The following JAG1 variants were observed in gnomAD, a reference collection of about 807,000 sequenced individuals.
JAG1 encodes protein jagged-1.
JAG1 carries 23 observed loss-of-function variants against 148.7 expected under a neutral mutation model. The ratio of observed to expected loss-of-function variants is 0.15; its 90% CI spans 0.11 to 0.22. The LOEUF (loss-of-function observed/expected upper bound fraction) is 0.22, where lower values mean the gene tolerates loss of function less well. Ranked by LOEUF, JAG1 falls within the 10% of genes least tolerant of loss-of-function variation. JAG1 has a pLI of 1.00. For missense variants in JAG1, 1,054 were observed against 1,611.2 expected, an observed-to-expected ratio of 0.65 and a Z score of 5.92; for synonymous variants, 572 against 598.3, an observed-to-expected ratio of 0.96 and a Z score of 0.64.
At chr20:10,652,276 A>T in intron 6 of JAG1, 26 bp from the exon 7 acceptor site, 4 of 1,613,568 alleles carry the variant, frequency 2.5e-6, no homozygotes, top group Non-Finnish European at 3.4e-6. Flanking sequence ...TGGAGTCACT[A>T]AGAGACGCCT....
At chr20:10,656,335 G>C in intron 5 of JAG1, 63 bp downstream of exon 5, 1 of 1,332,106 alleles carries the variant, frequency 7.5e-7, no homozygotes, top group Non-Finnish European at 1.1e-6. Context: ...TCACAATAAA[G>C]TCAGTTCCTC....
At chr20:10,647,921 A>G (rs1325822063) in intron 13 of JAG1, 39 bp downstream of exon 13, 7 of 1,611,808 alleles carry the variant, frequency 4.3e-6, no homozygotes, top group Non-Finnish European at 5.9e-6. Flanking sequence ...CAAAAGGAGC[A>G]AGTCTGGAGA....
At chr20:10,649,794 T>G in intron 9 of JAG1, 159 bp from the exon 10 acceptor site, 1 of 669,262 alleles carries the variant, frequency 1.5e-6, no homozygotes, top group Non-Finnish European at 2.7e-6. Flanking sequence ...TTTAAGCATC[T>G]GATCCCTCTC....
At chr20:10,660,445 C>CT (rs1484788706) in intron 3 of JAG1, among the ~76,000 whole-genome samples, 1 of 152,196 alleles carries the variant, frequency 6.6e-6, no homozygotes, top group Non-Finnish European at 1.5e-5. Flanking sequence ...TTACCACGCG[C>CT]TTACAAGATC....
intron 11 of JAG1, 131 bp from the exon 12 acceptor site, chr20:10,648,853 T>A: frequency 9.9e-7 from 1 of 1,009,808 alleles, no homozygotes; most frequent in Non-Finnish European, 1.5e-6. Context: ...GCTAAACCTC[T>A]GAAAGTGGTT....
At chr20:10,643,908 T>C (rs1251669237) in intron 19 of JAG1, 45 bp from the exon 20 acceptor site, 2 of 1,438,186 alleles carry the variant, frequency 1.4e-6, no homozygotes, top group Admixed American at 3.4e-5. Flanking sequence ...CCCAGTCCAT[T>C]ACTCTGGCTG....
intron 4 of JAG1, among the ~76,000 whole-genome samples, 169 bp from the exon 5 acceptor site, chr20:10,656,627 A>G (rs1321669915): frequency 6.6e-6 from 1 of 152,220 alleles, no homozygotes; most frequent in Non-Finnish European, 1.5e-5. Flanking sequence ...TAACAAAACC[A>G]GCTTTAAACT....
intron 5 of JAG1, among the ~76,000 whole-genome samples, chr20:10,655,943 G>A (rs2067375919): frequency 6.6e-6 from 1 of 152,076 alleles, no homozygotes; most frequent in Non-Finnish European, 1.5e-5. Flanking sequence ...CCCAGCTCCC[G>A]CCTGCAAAGG....
intron 2 of JAG1, among the ~76,000 whole-genome samples, chr20:10,670,984 T>A (rs1568806274): frequency 1.3e-5 from 2 of 152,232 alleles, no homozygotes; most frequent in African/African-American, 4.8e-5. Flanking sequence ...CAAGCCTCCT[T>A]GTTTTCATGT....
At chr20:10,656,258 G>A (rs1275119761) in intron 5 of JAG1, 140 bp downstream of exon 5, 7 of 686,314 alleles carry the variant, frequency 1.0e-5, no homozygotes, top group Non-Finnish European at 1.0e-5. Context: ...AATAAGCTTC[G>A]GATGTGTCTA....
At position 10,639,451 on chromosome 20, in the gene JAG1, C is replaced by T. The variant is rs1384322056; in HGVS notation, c.*47G>A. 6.6e-7 allele frequency: 1 copy of T among 1,509,250 alleles called. No homozygotes were observed. The highest frequency in any genetic ancestry group is 1.4e-5 in the African/African-American group (1 of 72,840). The allele number at this position is 1,509,250 out of a possible 1,614,324, so 93.5% of individuals were successfully genotyped here. ...GAGTATGACACGACAGTTTAAAGAA[C>T]TACAAGCCCTCAGACTCTACCTAGC... On this transcript the variant is annotated 3_prime_UTR_variant, in exon 26 of 26. Transcript: ENST00000254958.
rs2067434750 is a variant in JAG1, at chr20:10,663,989, G to A, written c.413C>T (p.Ala138Val). Residue 138 changes from alanine (A) to valine (V), a missense_variant, in exon 3 of 26, where the codon GCG becomes GTG. By Grantham distance (64) the Ala-to-Val change is moderately conservative. This residue lies in a region of JAG1 where 151 missense variants were observed against 211.1 expected (regional missense o/e 0.72). Coordinates refer to ENST00000254958, the MANE Select transcript of JAG1 (RefSeq NM_000214.3). Reference protein sequence around the residue: ...WPRSYTLLVEAWDSSNDTVQP... With the variant: ...WPRSYTLLVEVWDSSNDTVQP... ...AACGGTGTCATTACTGGAATCCCAC[G>A]CCTCCACAAGCAACGTATAGGACCT... is the stretch of plus-strand genomic sequence containing the variant. The A allele has an allele frequency of 6.2e-6, 10 of 1,613,776 alleles. No homozygotes were observed. The highest frequency in any genetic ancestry group is 2.2e-5 in the South Asian group (2 of 91,060).
At position 10,645,550 on chromosome 20, in the gene JAG1, G is replaced by T; in HGVS notation, c.2000-81C>A. On this transcript the variant is annotated intron_variant, in intron 15 of 25. Coordinates refer to ENST00000254958, the MANE Select transcript of JAG1 (RefSeq NM_000214.3). This position sits in a 1 kb window ranked among gnomAD's most constrained non-coding sequence, Gnocchi z 6.1. Reference sequence around the variant, plus strand: ...AGGCGAGAGCCAAGCCTTTCCTACTGCTTACATCCAACATCCTATTCTGAG... The same window carrying T: ...AGGCGAGAGCCAAGCCTTTCCTACTTCTTACATCCAACATCCTATTCTGAG... 1 of 1,053,636 alleles carries T rather than the reference G, an allele frequency of 9.5e-7. No homozygotes were observed. 65.3% of individuals were successfully genotyped at this position (1,053,636 alleles called of 1,614,324 possible).
At chr20:10,643,374 G>C (rs551020173) in intron 20 of JAG1, among the ~76,000 whole-genome samples, 239 of 152,310 alleles carry the variant, frequency 1.6e-3, no homozygotes, top group African/African-American at 5.5e-3. Context: ...ACCCAGCACA[G>C]ACAAGCCTCT....
chr20:10,639,842 A>T lies in JAG1; in HGVS notation c.3313T>A (p.Ser1105Thr), dbSNP rs757600041. 2.5e-6 allele frequency: 4 copies of T among 1,614,132 alleles called. No homozygotes were observed. The highest frequency in any genetic ancestry group is 2.2e-5 in the South Asian group (2 of 91,080). Residue 1105 changes from serine to threonine, a missense_variant, in exon 26 of 26, where the codon TCA (serine) becomes ACA (threonine). Transcript: ENST00000254958. ...KRRKPGSHTH[S>T]ASEDNTTNNV... Reference sequence around the variant, plus strand: ...TTGGTGGTGTTGTCCTCAGAGGCTGAGTGTGTGTGGCTGCCCGGCTTCCGC... The same window carrying T: ...TTGGTGGTGTTGTCCTCAGAGGCTGTGTGTGTGTGGCTGCCCGGCTTCCGC...
chr20:10,671,565 T>A (rs1283579533), intron 2 of JAG1, among the ~76,000 whole-genome samples: 1 of 151,808 alleles, frequency 6.6e-6, no homozygotes, highest in Non-Finnish European at 1.5e-5. Context: ...GGCAGCAGAG[T>A]GCACCCCATT....
intron 21 of JAG1, among the ~76,000 whole-genome samples, chr20:10,642,175 A>G (rs2067277074): frequency 1.3e-5 from 2 of 152,160 alleles, no homozygotes; most frequent in Admixed American, 6.5e-5. Flanking sequence ...CCCCAGACAC[A>G]GCCACTGGTC....
At position 10,645,262 on chromosome 20, in the gene JAG1, G is replaced by A. The variant is rs1325658769; in HGVS notation, c.2114-6C>T. 2 of 1,612,782 alleles carry A rather than the reference G, an allele frequency of 1.2e-6. No individual in the cohort carries two copies. The highest frequency in any genetic ancestry group is 1.7e-6 in the Non-Finnish European group (2 of 1,178,756). On this transcript the variant is annotated splice_region_variant and splice_polypyrimidine_tract_variant and intron_variant, in intron 16 of 25. Transcript: ENST00000254958. The surrounding 1 kb of genome is among the most constrained non-coding windows in gnomAD (Gnocchi z 6.1). ...CTCATCACACTGACTGTCACCTGGA[G>A]GAAAATATTTCAGTGTGAGTCCCAG... is the stretch of plus-strand genomic sequence containing the variant.
At chr20:10,640,748 TATC>T (rs753527315) in intron 25 of JAG1, 32 bp downstream of exon 25, 19 of 1,607,286 alleles carry the variant, frequency 1.2e-5, no homozygotes, top group Non-Finnish European at 1.6e-5. Flanking sequence ...GATCATCTAC[TATC>T]ATCACACAAA....
Sources: gnomAD v4.1 joint callset for allele counts (sites outside exome capture counted in the v4.1 genomes callset) on GRCh38, gnomAD v4.1.1 for gene constraint, gnomAD v4.1.1 regional missense constraint, Gnocchi (gnomAD v3.1) non-coding constraint, MANE v1.5 for transcripts, NCBI Gene and HGNC (gene_info 2026-07-23, HGNC 2026-07-21) for gene names.